Variants in SLC5A5 observed in about 807,000 individuals in gnomAD.
SLC5A5 encodes solute carrier family 5 member 5.
A neutral mutation model predicts 68.6 loss-of-function variants in SLC5A5; 56 were observed. That is an observed-to-expected ratio of 0.82 (90% confidence interval 0.66 to 1.02). The LOEUF is 1.02. SLC5A5 is among the 50% of genes least tolerant of loss of function. SLC5A5 has a pLI of 0.00. For missense variants in SLC5A5, 807 were observed against 859.8 expected (o/e 0.94, Z 0.77); for synonymous variants, 398 against 373.0 (o/e 1.07, Z -0.77).
At position 17,883,797 on chromosome 19, in the gene SLC5A5, G is replaced by A. The variant is rs1053263833; in HGVS notation, c.1329+30G>A. On this transcript the variant is annotated intron_variant, in intron 11 of 14. Transcript: ENST00000222248. ...GTGGGGGCGGGGCAAGGGGCGGGGA[G>A]GGGCGGGGCCGGACAGGCCCCTCCC... 7.5e-6 allele frequency: 12 copies of A among 1,606,634 alleles called. No homozygotes were observed. In the African/African-American group the frequency reaches 1.6e-4, roughly 22 times the overall value.
rs770710437 is a variant in SLC5A5 at position 17,872,278 on chromosome 19, G to A, written c.-42G>A. ...CTGCCAGCTTCCCCCGCTTGAGCAC[G>A]CAGGGCGTCCGAGGACGCGCTGGGC... On this transcript the variant is annotated 5_prime_UTR_variant, in exon 1 of 15. Coordinates refer to ENST00000222248, the MANE Select transcript of SLC5A5 (RefSeq NM_000453.3). The A allele has an allele frequency of 9.6e-6, 11 of 1,151,504 alleles. No homozygotes were observed. Among genetic ancestry groups the A allele is most frequent in the African/African-American group, 4.8e-5 (3 of 62,932 alleles). The allele number at this position is 1,151,504 out of a possible 1,614,324, so 71.3% of individuals were successfully genotyped here. A position where few individuals can be genotyped will look rare whatever the true frequency, so the allele number is the denominator to read the frequency against.
chr19:17,873,009 C>A (rs541596339), intron 1 of SLC5A5, among the ~76,000 whole-genome samples: 4 of 152,160 alleles, frequency 2.6e-5, no homozygotes, highest in Non-Finnish European at 5.9e-5. Context: ...CCCACGTGTG[C>A]GCGCTAGAGG....
intron 13 of SLC5A5, among the ~76,000 whole-genome samples, chr19:17,890,477 G>A (rs888487524): frequency 2.0e-5 from 3 of 151,652 alleles, no homozygotes; most frequent in Non-Finnish European, 2.9e-5. Flanking sequence ...CTGCAGCCTC[G>A]ACCTCTTGGG....
chr19:17,882,036 G>T lies in SLC5A5; in HGVS notation c.1135G>T (p.Ala379Ser). ...DLIKPRLRSL[A>S]PRKLVIISKG... Reference sequence around the variant, plus strand: ...CATCAAACCTCGGCTGCGGAGCCTGGCACCCAGGAAACTCGTGATTATCTC... The same window carrying T: ...CATCAAACCTCGGCTGCGGAGCCTGTCACCCAGGAAACTCGTGATTATCTC... Residue 379 changes from alanine to serine, a missense_variant, in exon 9 of 15, where the codon GCA (alanine) becomes TCA (serine). Ala to Ser is a moderately conservative substitution (Grantham distance 99, BLOSUM62 1). Transcript: ENST00000222248. 6.2e-7 allele frequency: 1 copy of T among 1,614,156 alleles called. No individual in the cohort carries two copies. The highest frequency in any genetic ancestry group is 8.5e-7 in the Non-Finnish European group (1 of 1,179,984).
intron 2 of SLC5A5, 123 bp downstream of exon 2, chr19:17,874,326 C>T: frequency 2.4e-6 from 2 of 823,732 alleles, no homozygotes; most frequent in Non-Finnish European, 4.0e-6. Flanking sequence ...CTGACCCCGC[C>T]CCCATCAGTC....
intron 7 of SLC5A5, among the ~76,000 whole-genome samples, chr19:17,879,050 T>C: frequency 6.6e-6 from 1 of 150,768 alleles, no homozygotes; most frequent in Non-Finnish European, 1.5e-5. Context: ...CTCAGCACTT[T>C]TGGAGGCTGA....
chr19:17,893,044 A>T (rs1305116281), intron 14 of SLC5A5, among the ~76,000 whole-genome samples: 1,838 of 64,130 alleles, frequency 0.029, no homozygotes, highest in Middle Eastern at 0.048. Context: ...TTATTATTTT[A>T]TTTTTCTTTT....
At chr19:17,885,261 T>C (rs907362708) in intron 12 of SLC5A5, among the ~76,000 whole-genome samples, 1 of 152,110 alleles carries the variant, frequency 6.6e-6, no homozygotes, top group African/African-American at 2.4e-5. Context: ...TCTGCCCACC[T>C]CAGCCTTGCA....
At chr19:17,880,988 C>T (rs1008794319) in intron 8 of SLC5A5, 35 bp downstream of exon 8, 2 of 1,525,730 alleles carry the variant, frequency 1.3e-6, no homozygotes, top group Non-Finnish European at 1.8e-6. Context: ...AGCATTATTT[C>T]AGCCCCTGGG....
chr19:17,873,145 G>A (rs1456275875), intron 1 of SLC5A5, among the ~76,000 whole-genome samples: 1 of 152,220 alleles, frequency 6.6e-6, no homozygotes, highest in African/African-American at 2.4e-5. Context: ...CCTCCCTCCA[G>A]GGGAGAGGGT....
At chr19:17,880,739 G>A in intron 7 of SLC5A5, 126 bp from the exon 8 acceptor site, 1 of 743,318 alleles carries the variant, frequency 1.3e-6, no homozygotes, top group East Asian at 2.5e-5. Flanking sequence ...AAAACTAAAT[G>A]CATATTAAAT....
In SLC5A5 at chr19:17,882,216, T is replaced by A. The variant is rs771221867; in HGVS notation, c.1239T>A (p.Leu413=). 3.1e-6 allele frequency: 5 copies of A among 1,613,146 alleles called. No homozygotes were observed. The highest frequency in any genetic ancestry group is 4.2e-6 in the Non-Finnish European group (5 of 1,179,632). The change falls in exon 10 of 15, where the codon CTT becomes CTA. Residue 413 remains leucine, a synonymous_variant. Transcript: ENST00000222248. ...CCTCACTGCTCGGAGGAGGTGTCCT[T>A]CAGGTGAGACCCCACCTGCCCCCTG... ...ALSSLLGGGV[L]QGSFTVMGVI...
rs1170820905 is a variant in SLC5A5 at position 17,872,732 on chromosome 19, G to T, written c.357+56G>T. The T allele has an allele frequency of 6.2e-6, 7 of 1,135,648 alleles. No individual in the cohort carries two copies. The Admixed American group carries it at 8.5e-5, about 14-fold the overall frequency. 70.3% of individuals were successfully genotyped at this position (1,135,648 alleles called of 1,614,324 possible). A position where few individuals can be genotyped will look rare whatever the true frequency, so the allele number is the denominator to read the frequency against. On this transcript the variant is annotated intron_variant, in intron 1 of 14. Transcript: ENST00000222248. The stretch of plus-strand genomic sequence containing the variant: ...GCCCCACTGGCAGTGCTGGGACCCC[G>T]TGTGGGGGAGGCGCTGGGGCTTTGG...
intron 13 of SLC5A5, among the ~76,000 whole-genome samples, chr19:17,890,380 T>TTTTTG (rs374236682): frequency 0.027 from 4,158 of 151,864 alleles, 93 homozygotes; most frequent in African/African-American, 0.053. Context: ...TCCAATGATG[T>TTTTTG]TTTTGTTTTG....
At position 17,894,143 on chromosome 19, in the gene SLC5A5, CTTTTTTT is replaced by C. The variant is rs772763011; in HGVS notation, c.*282_*288del. 51 of 263,004 alleles carry C rather than the reference CTTTTTTT, an allele frequency of 1.9e-4. No individual in the cohort carries two copies. The highest frequency in any genetic ancestry group is 5.0e-4 in the South Asian group (14 of 27,944). 16.3% of individuals were successfully genotyped at this position (263,004 alleles called of 1,614,324 possible). On this transcript the variant is annotated 3_prime_UTR_variant, in exon 15 of 15. Transcript: ENST00000222248. ...AATAAGGCTGGGTTTTTCTCTCTCT[CTTTTTTT>C]TTTTTTTTTTTTTTTGAGACAGGGT...
In SLC5A5 at chr19:17,882,199, C is replaced by A; in HGVS notation, c.1222C>A (p.Leu408Ile). 1 of 1,613,966 alleles carries A rather than the reference C, an allele frequency of 6.2e-7. No homozygotes were observed. The highest frequency in any genetic ancestry group is 8.5e-7 in the Non-Finnish European group (1 of 1,179,964). The change falls in exon 10 of 15, where the codon CTC becomes ATC. Residue 408 changes from leucine to isoleucine, a missense_variant. By Grantham distance (5) the Leu-to-Ile change is conservative. Coordinates refer to ENST00000222248, the MANE Select transcript of SLC5A5 (RefSeq NM_000453.3). ...CACCGTGGCAGCCCTGTCCTCACTG[C>A]TCGGAGGAGGTGTCCTTCAGGTGAG... ...CLTVAALSSLLGGGVLQGSFT... is the reference protein window; with the variant it reads ...CLTVAALSSLIGGGVLQGSFT...
rs576855207 is a variant in SLC5A5 at position 17,890,579 on chromosome 19, A to G, written c.1652-307A>G. ...GCTAATTTTTTAATATTTTGTAGAGATGGGTTCTTGCTATGTTGCCTAGGC... is the reference window on the plus strand; with the variant it reads ...GCTAATTTTTTAATATTTTGTAGAGGTGGGTTCTTGCTATGTTGCCTAGGC... On this transcript the variant is annotated intron_variant, in intron 13 of 14. Coordinates refer to ENST00000222248, the MANE Select transcript of SLC5A5 (RefSeq NM_000453.3). 9.3e-4 allele frequency among the ~76,000 whole-genome samples: 142 copies of G among 152,132 alleles called. 1 individual carries two copies. The South Asian group carries it at 9.5e-3, about 10-fold the overall frequency.
rs1281620340 is a variant in SLC5A5 at position 17,875,990 on chromosome 19, G to C, written c.582G>C (p.Gln194His). 1 of 1,614,190 alleles carries C rather than the reference G, an allele frequency of 6.2e-7. No homozygotes were observed. Among genetic ancestry groups the C allele is most frequent in the South Asian group, 1.1e-5 (1 of 91,086 alleles). Reference sequence around the variant, plus strand: ...CTGTGGTCTGGACTGATGTGTTCCAGGTCGTGGTGATGCTAAGTGGCTTCT... The same window carrying C: ...CTGTGGTCTGGACTGATGTGTTCCACGTCGTGGTGATGCTAAGTGGCTTCT... ...MKAVVWTDVF[Q>H]VVVMLSGFWV... The change falls in exon 5 of 15, where the codon CAG becomes CAC. Residue 194 changes from glutamine to histidine, a missense_variant. Gln to His is a conservative substitution (Grantham distance 24). Transcript: ENST00000222248.
rs146654747 is a variant in SLC5A5 at position 17,885,546 on chromosome 19, A to T, written c.1526+1500A>T. ...GGCATGTATCACCATGCTGGGCTAAATTTTTTGTATTTTTTATAGAGACGA... is the reference window on the plus strand; with the variant it reads ...GGCATGTATCACCATGCTGGGCTAATTTTTTTGTATTTTTTATAGAGACGA... On this transcript the variant is annotated intron_variant, in intron 12 of 14. Coordinates refer to ENST00000222248, the MANE Select transcript of SLC5A5 (RefSeq NM_000453.3). 6.6e-3 allele frequency among the ~76,000 whole-genome samples: 971 copies of T among 147,630 alleles called. 9 individuals are homozygous for T. Among genetic ancestry groups the T allele is most frequent in the African/African-American group, 0.021 (832 of 40,052 alleles).
Sources: gnomAD v4.1 joint callset for allele counts (sites outside exome capture counted in the v4.1 genomes callset) on GRCh38, gnomAD v4.1.1 for gene constraint, MANE v1.5 for transcripts, NCBI Gene and HGNC (gene_info 2026-07-23, HGNC 2026-07-21) for gene names.